RBM6: variants seen among roughly 807,000 people sequenced by gnomAD.
RBM6 encodes the protein RNA-binding protein 6.
Under a neutral mutation model 140.4 loss-of-function variants are expected in RBM6, and 23 were observed. That is an observed-to-expected ratio of 0.16 (90% CI 0.12 to 0.23). RBM6 has a LOEUF of 0.23. Ranked by LOEUF, RBM6 falls within the 10% of genes least tolerant of loss-of-function variation. RBM6 has a pLI of 1.00. For missense variants in RBM6, 1,139 were observed against 1,386.7 expected, an observed-to-expected ratio of 0.82 and a Z score of 2.84; for synonymous variants, 439 against 475.6, an observed-to-expected ratio of 0.92 and a Z score of 1.00.
chr3:50,000,181 A>G (rs762259062), intron 6 of RBM6, among the ~76,000 whole-genome samples: 1 of 152,100 alleles, frequency 6.6e-6, no homozygotes, highest in Non-Finnish European at 1.5e-5. Flanking sequence ...CTATGTCTTT[A>G]ATAGAACCCT....
Position 50,057,858 on chromosome 3 carries a change from A to G in RBM6, c.1824A>G (p.Glu608=). Residue 608 remains glutamate, a synonymous_variant, in exon 9 of 21, where the codon GAA becomes GAG. Transcript: ENST00000266022. ...ADKEPEPRKR[E]EGQESRLGHQ... ...AGGAACCTGAACCCAGGAAGAGGGA[A>G]GAAGGCCAAGAGTCACGCTTAGGAC... 1 of 1,614,100 alleles carries G rather than the reference A, an allele frequency of 6.2e-7. No individual in the cohort carries two copies. Among genetic ancestry groups the G allele is most frequent in the Non-Finnish European group, 8.5e-7 (1 of 1,180,012 alleles).
chr3:49,955,397 T>C (rs77013481), intron 1 of RBM6, among the ~76,000 whole-genome samples: 3,140 of 151,138 alleles, frequency 0.021, 135 homozygotes, highest in African/African-American at 0.073. Flanking sequence ...CTTTATAATA[T>C]TTATATATAT....
chr3:50,030,741 GC>G (rs1172946426), intron 6 of RBM6, among the ~76,000 whole-genome samples: 1 of 152,152 alleles, frequency 6.6e-6, no homozygotes, highest in Non-Finnish European at 1.5e-5. Flanking sequence ...CAACCATGTA[GC>G]CCCATCTTAA....
At chr3:50,007,914 C>G (rs983783194) in intron 6 of RBM6, among the ~76,000 whole-genome samples, 2 of 152,184 alleles carry the variant, frequency 1.3e-5, no homozygotes, top group Admixed American at 6.5e-5. Context: ...TGTAGGAAAT[C>G]TAGCCTGTGG....
chr3:50,073,784 G>A (rs1439602891), intron 19 of RBM6, among the ~76,000 whole-genome samples: 1 of 151,894 alleles, frequency 6.6e-6, no homozygotes, highest in Non-Finnish European at 1.5e-5. Flanking sequence ...AGAAGGATGA[G>A]GTTCAGAGAC....
intron 6 of RBM6, among the ~76,000 whole-genome samples, chr3:50,028,931 T>C (rs892026741): frequency 1.3e-5 from 2 of 152,226 alleles, no homozygotes; most frequent in African/African-American, 2.4e-5. Context: ...GGCTCTGATA[T>C]TTCTGTTAGG....
chr3:50,048,380 C>A, intron 7 of RBM6, 61 bp downstream of exon 7: 1 of 1,574,160 alleles, frequency 6.4e-7, no homozygotes, highest in Admixed American at 1.8e-5. Context: ...TCCTCCATAT[C>A]TCTAGGAAGG....
intron 6 of RBM6, among the ~76,000 whole-genome samples, chr3:50,012,093 C>G (rs911319003): frequency 1.3e-5 from 2 of 152,170 alleles, no homozygotes; most frequent in African/African-American, 4.8e-5. Flanking sequence ...TCAAGCAATC[C>G]TTCCTGCCTC....
intron 6 of RBM6, among the ~76,000 whole-genome samples, chr3:50,040,491 TATACACACAC>T (rs1469119792): frequency 1.7e-4 from 16 of 95,654 alleles, no homozygotes; most frequent in African/African-American, 5.7e-4. Context: ...TATATATATA[TATACACACAC>T]ACACACACAC....
intron 6 of RBM6, among the ~76,000 whole-genome samples, chr3:50,000,894 C>T (rs1031386883): frequency 1.3e-5 from 2 of 152,198 alleles, no homozygotes; most frequent in Admixed American, 1.3e-4. Flanking sequence ...ATGACATGCT[C>T]TAAATGCTTT....
At chr3:50,023,798 G>A (rs938018891) in intron 6 of RBM6, among the ~76,000 whole-genome samples, 5 of 151,224 alleles carry the variant, frequency 3.3e-5, no homozygotes, top group African/African-American at 4.9e-5. Flanking sequence ...ACAGGCACCC[G>A]CCATCATGCC....
chr3:50,030,684 A>C (rs56297242), intron 6 of RBM6, among the ~76,000 whole-genome samples: 3,196 of 152,336 alleles, frequency 0.021, 139 homozygotes, highest in African/African-American at 0.074. Flanking sequence ...TGAGCTGTCC[A>C]GGCTTTCTTA....
chr3:50,069,939 G>A (rs1431894961), intron 18 of RBM6, among the ~76,000 whole-genome samples: 4 of 152,268 alleles, frequency 2.6e-5, no homozygotes, highest in African/African-American at 7.2e-5. Flanking sequence ...AAAAGACAGC[G>A]GAACCAAGCG....
chr3:49,977,227 C>CT lies in RBM6; in HGVS notation c.1483+1839dup, dbSNP rs1304179198. ...CCTATTTTGCTGTAGCCACACTGAG[C>CT]TTTTCTCTTGTCTTTGACCAATACA... On this transcript the variant is annotated intron_variant, in intron 5 of 20. Coordinates refer to ENST00000266022, the MANE Select transcript of RBM6 (RefSeq NM_005777.3). 2.0e-5 allele frequency among the ~76,000 whole-genome samples: 3 copies of CT among 152,200 alleles called. No homozygotes were observed. In the East Asian group the frequency reaches 5.8e-4, roughly 29 times the overall value.
intron 6 of RBM6, among the ~76,000 whole-genome samples, chr3:50,017,063 T>C (rs2087203370): frequency 6.6e-6 from 1 of 152,114 alleles, no homozygotes; most frequent in Admixed American, 6.5e-5. Flanking sequence ...TAGGCTCAAG[T>C]GATCCTCCCA....
intron 6 of RBM6, among the ~76,000 whole-genome samples, chr3:50,011,322 A>G (rs2086839437): frequency 6.6e-6 from 1 of 152,346 alleles, no homozygotes; most frequent in East Asian, 1.9e-4. Flanking sequence ...GGAGTTGGTA[A>G]CAGGCTCCAT....
At chr3:50,005,495 CAAA>C (rs35202304) in intron 6 of RBM6, among the ~76,000 whole-genome samples, 13 of 101,320 alleles carry the variant, frequency 1.3e-4, no homozygotes, top group South Asian at 3.9e-4. Flanking sequence ...GATCCTGCCT[CAAA>C]AAAAAAAAAA....
intron 1 of RBM6, among the ~76,000 whole-genome samples, chr3:49,942,790 G>A (rs990970801): frequency 6.6e-6 from 1 of 152,096 alleles, no homozygotes; most frequent in Non-Finnish European, 1.5e-5. Flanking sequence ...CTACTAAGGA[G>A]GCAGAGGTTG....
intron 6 of RBM6, among the ~76,000 whole-genome samples, chr3:50,014,422 T>G (rs1464113704): frequency 6.6e-6 from 1 of 152,218 alleles, no homozygotes; most frequent in Non-Finnish European, 1.5e-5. Context: ...GTCAGAAGAT[T>G]ACACATATTT....
Sources: gnomAD v4.1 joint callset for allele counts (sites outside exome capture counted in the v4.1 genomes callset) on GRCh38, gnomAD v4.1.1 for gene constraint, MANE v1.5 for transcripts, NCBI Gene and HGNC (gene_info 2026-07-23, HGNC 2026-07-21) for gene names.